Variants in CDKN2B-AS1 observed in about 807,000 individuals in gnomAD.
CDKN2B-AS1 encodes CDKN2B antisense RNA 1 (non-protein coding).
chr9:22,022,227 G>A (rs183129176), intron 1 of CDKN2B-AS1, among the ~76,000 whole-genome samples: 399 of 151,814 alleles, frequency 2.6e-3, no homozygotes, highest in African/African-American at 9.3e-3. Context: ...TTTCTGTCTC[G>A]GTGATCTGTC....
At chr9:22,018,986 T>C (rs1821906634) in intron 1 of CDKN2B-AS1, among the ~76,000 whole-genome samples, 1 of 152,184 alleles carries the variant, frequency 6.6e-6, no homozygotes, top group African/African-American at 2.4e-5. Flanking sequence ...TGCAGTATTA[T>C]AGAAAATTAA....
chr9:22,018,472 C>T (rs1055507801), intron 1 of CDKN2B-AS1, among the ~76,000 whole-genome samples: 19 of 152,016 alleles, frequency 1.2e-4, no homozygotes, highest in Admixed American at 6.6e-4. Flanking sequence ...GCCTGGCCAA[C>T]ATGGCGAAAC....
chr9:22,045,583 C>T (rs1823075403), intron 1 of CDKN2B-AS1, among the ~76,000 whole-genome samples: 1 of 151,796 alleles, frequency 6.6e-6, no homozygotes, highest in Non-Finnish European at 1.5e-5. Flanking sequence ...GGAAGCAAAA[C>T]AGGCTGGGGG....
chr9:22,096,089 A>T (rs971958894), intron 4 of CDKN2B-AS1, among the ~76,000 whole-genome samples: 1 of 152,144 alleles, frequency 6.6e-6, no homozygotes, highest in Non-Finnish European at 1.5e-5. Context: ...TAGATAGGAG[A>T]TAGGGGTAGG....
At chr9:22,031,144 T>G (rs1300152395) in intron 1 of CDKN2B-AS1, 1 of 152,200 alleles carries the variant, frequency 6.6e-6, no homozygotes, top group East Asian at 1.9e-4. Flanking sequence ...TTTCTTAACA[T>G]TTTTCTTCAA....
chr9:22,097,452 C>T (rs1292137061), intron 4 of CDKN2B-AS1: 1 of 152,170 alleles, frequency 6.6e-6, no homozygotes, highest in Admixed American at 6.5e-5. Context: ...GTCTGTTATT[C>T]TAATGCCTAC....
At position 21,995,905 on chromosome 9, in the gene CDKN2B-AS1, A is replaced by T. The variant is rs1209222201; in HGVS notation, n.29+744A>T. On this transcript the variant is annotated intron_variant and non_coding_transcript_variant, in intron 1 of 4. Transcript: ENST00000650946. The surrounding 1 kb of genome is among the most constrained non-coding windows in gnomAD (Gnocchi z 5.7). ...ATCCGTCCTAAACCTCGCGGGCTGG[A>T]CCCGCGGCCTGAGTGGGTGGGTGTG... The T allele has an allele frequency of 6.6e-6, 1 of 152,356 alleles. No homozygotes were observed. Among genetic ancestry groups the T allele is most frequent in the Non-Finnish European group, 1.5e-5 (1 of 68,210 alleles). 9.4% of individuals were successfully genotyped at this position (152,356 alleles called of 1,614,324 possible).
At chr9:22,017,900 G>T (rs979054512) in intron 1 of CDKN2B-AS1, among the ~76,000 whole-genome samples, 35 of 151,950 alleles carry the variant, frequency 2.3e-4, no homozygotes, top group Non-Finnish European at 1.5e-4. Context: ...GCCAATAATT[G>T]TGAAATTTGT....
At chr9:22,123,138 G>C (rs1826134579) in intron 4 of CDKN2B-AS1, among the ~76,000 whole-genome samples, 1 of 152,006 alleles carries the variant, frequency 6.6e-6, no homozygotes, top group Non-Finnish European at 1.5e-5. Context: ...TTGCCTTCTT[G>C]ATTGCTTTTT....
chr9:22,048,546 C>T (rs1823204125), intron 2 of CDKN2B-AS1, among the ~76,000 whole-genome samples: 1 of 152,146 alleles, frequency 6.6e-6, no homozygotes, highest in African/African-American at 2.4e-5. Context: ...TTCTTGGAGT[C>T]ATAGTTCATT....
intron 1 of CDKN2B-AS1, among the ~76,000 whole-genome samples, chr9:22,002,546 G>A (rs890610159): frequency 4.6e-5 from 7 of 151,614 alleles, no homozygotes; most frequent in Admixed American, 4.6e-4. Context: ...AAAAAGGGAG[G>A]GCAATCTCAG....
chr9:22,077,627 A>G (rs1005885676), intron 4 of CDKN2B-AS1: 17 of 152,068 alleles, frequency 1.1e-4, no homozygotes, highest in Admixed American at 7.9e-4. Context: ...AGGAAAGAAG[A>G]AAAAAAATCA....
At chr9:22,104,295 T>A (rs368183253) in intron 4 of CDKN2B-AS1, among the ~76,000 whole-genome samples, 1 of 152,140 alleles carries the variant, frequency 6.6e-6, no homozygotes, top group Non-Finnish European at 1.5e-5. Flanking sequence ...TGCTATAAAA[T>A]GGTTAGAAGT....
chr9:22,044,071 A>G (rs976961464), intron 1 of CDKN2B-AS1, among the ~76,000 whole-genome samples: 36 of 152,036 alleles, frequency 2.4e-4, no homozygotes, highest in African/African-American at 8.7e-4. Flanking sequence ...TATCAGATAA[A>G]TATGAGGCAA....
intron 1 of CDKN2B-AS1, among the ~76,000 whole-genome samples, chr9:22,045,643 GA>G (rs1441844744): frequency 6.6e-6 from 1 of 152,038 alleles, no homozygotes; most frequent in African/African-American, 2.4e-5. Context: ...GGAAGTGGTG[GA>G]ATGCATAGGC....
At chr9:22,099,221 T>C (rs1187480666) in intron 4 of CDKN2B-AS1, among the ~76,000 whole-genome samples, 7 of 152,054 alleles carry the variant, frequency 4.6e-5, no homozygotes, top group African/African-American at 1.4e-4. Flanking sequence ...GAATAGCCAA[T>C]AGCTGGGCAC....
At chr9:22,103,097 C>G (rs537613099) in intron 4 of CDKN2B-AS1, among the ~76,000 whole-genome samples, 1 of 149,488 alleles carries the variant, frequency 6.7e-6, no homozygotes, top group Admixed American at 6.7e-5. Context: ...TCACAGGTTA[C>G]TTTCTGCATT....
intron 4 of CDKN2B-AS1, among the ~76,000 whole-genome samples, chr9:22,076,628 G>A (rs1043750334): frequency 6.6e-6 from 1 of 152,022 alleles, no homozygotes; most frequent in African/African-American, 2.4e-5. Flanking sequence ...ACCCCTCATT[G>A]CAAGAGCAGC....
At chr9:22,041,218 A>C (rs1402461781) in intron 1 of CDKN2B-AS1, among the ~76,000 whole-genome samples, 1 of 152,056 alleles carries the variant, frequency 6.6e-6, no homozygotes, top group Non-Finnish European at 1.5e-5. Context: ...GAAAAAGAAA[A>C]GAGAGAAAAA....
Sources: allele counts gnomAD v4.1 joint callset (sites outside exome capture counted in the v4.1 genomes callset), GRCh38; gene constraint gnomAD v4.1.1; non-coding constraint Gnocchi (gnomAD v3.1); transcripts MANE v1.5; gene names NCBI Gene and HGNC (gene_info 2026-07-23, HGNC 2026-07-21).